Variants in CYP2C19 observed in about 807,000 individuals in gnomAD.
CYP2C19 encodes cytochrome P450 family 2 subfamily C member 19.
A neutral mutation model predicts 40.9 loss-of-function variants in CYP2C19; 59 were observed. The ratio of observed to expected loss-of-function variants is 1.44; its 90% confidence interval spans 1.17 to 1.79. CYP2C19 has a LOEUF of 1.79. Among genes scored for constraint, CYP2C19 ranks in the 40% most tolerant of loss-of-function variants. CYP2C19 has a pLI of 0.00. For synonymous variants in CYP2C19, 253 were observed against 208.7 expected, an observed-to-expected ratio of 1.21 and a Z score of -1.83; for missense variants, 754 against 596.9, an observed-to-expected ratio of 1.26 and a Z score of -2.74.
chr10:94,811,977 T>C (rs946416060), intron 5 of CYP2C19, among the ~76,000 whole-genome samples: 1 of 152,180 alleles, frequency 6.6e-6, no homozygotes, highest in African/African-American at 2.4e-5. Flanking sequence ...TTGATGGTCT[T>C]TACAAAATTT....
chr10:94,836,102 G>C (rs544209389), intron 6 of CYP2C19, among the ~76,000 whole-genome samples: 24 of 152,218 alleles, frequency 1.6e-4, no homozygotes, highest in Non-Finnish European at 2.8e-4. Flanking sequence ...CAAGCACGCA[G>C]TTGCAGCACT....
At chr10:94,805,588 T>C (rs1848823631) in intron 5 of CYP2C19, among the ~76,000 whole-genome samples, 1 of 152,140 alleles carries the variant, frequency 6.6e-6, no homozygotes, top group Non-Finnish European at 1.5e-5. Context: ...TATACCCATT[T>C]AATAGTAACT....
chr10:94,820,703 C>G, intron 6 of CYP2C19, 66 bp downstream of exon 6: 1 of 1,589,748 alleles, frequency 6.3e-7, no homozygotes, highest in Non-Finnish European at 8.6e-7. Context: ...TGCTAGTGTT[C>G]TCCTTTCTGT....
chr10:94,811,504 G>A (rs1031650380), intron 5 of CYP2C19, among the ~76,000 whole-genome samples: 25 of 152,030 alleles, frequency 1.6e-4, no homozygotes, highest in Non-Finnish European at 3.7e-4. Context: ...ATCTATTATT[G>A]TGTGGGAGCC....
At chr10:94,829,041 T>C (rs1387993285) in intron 6 of CYP2C19, among the ~76,000 whole-genome samples, 1 of 152,224 alleles carries the variant, frequency 6.6e-6, no homozygotes, top group Non-Finnish European at 1.5e-5. Flanking sequence ...CTGCTGTTAG[T>C]CAGATGGGCT....
chr10:94,822,874 C>T (rs1320933396), intron 6 of CYP2C19, among the ~76,000 whole-genome samples: 1 of 151,920 alleles, frequency 6.6e-6, no homozygotes, highest in African/African-American at 2.4e-5. Context: ...GCTTGTATGT[C>T]ATCTTTTGAG....
At chr10:94,789,499 T>A (rs1463806948) in intron 5 of CYP2C19, among the ~76,000 whole-genome samples, 1 of 152,212 alleles carries the variant, frequency 6.6e-6, no homozygotes, top group Non-Finnish European at 1.5e-5. Context: ...AAGTCTTTAA[T>A]CCATCTTGAA....
chr10:94,844,641 T>C (rs1015321486), intron 7 of CYP2C19, among the ~76,000 whole-genome samples: 5 of 152,168 alleles, frequency 3.3e-5, no homozygotes, highest in Admixed American at 2.6e-4. Context: ...ATTACTAATG[T>C]CACTTTTTGA....
rs1291403654 is a variant in CYP2C19, at chr10:94,853,274, A to T, written c.*360A>T. ...ATTATTTGCTGAGTCAGGTTATTAG[A>T]CCTTCCTTCCTTTGTGCATAATGCA... On this transcript the variant is annotated 3_prime_UTR_variant, in exon 9 of 9. Transcript: ENST00000371321. The T allele has an allele frequency of 2.7e-6, 1 of 369,644 alleles. No homozygotes were observed. Among genetic ancestry groups the T allele is most frequent in the Non-Finnish European group, 4.9e-6 (1 of 204,324 alleles). The allele number at this position is 369,644 out of a possible 1,614,324, so 22.9% of individuals were successfully genotyped here.
intron 1 of CYP2C19, chr10:94,774,703 A>G (rs949942303): frequency 4.4e-6 from 1 of 225,200 alleles, no homozygotes; most frequent in Non-Finnish European, 8.8e-6. Context: ...GAATAAGTGA[A>G]GTTTCAAATT....
At chr10:94,791,347 T>G (rs1208328611) in intron 5 of CYP2C19, among the ~76,000 whole-genome samples, 2 of 152,064 alleles carry the variant, frequency 1.3e-5, no homozygotes, top group African/African-American at 4.8e-5. Context: ...TTTTGAAGGG[T>G]TTTCTGTGTC....
chr10:94,798,076 G>A (rs1848712768), intron 5 of CYP2C19, among the ~76,000 whole-genome samples: 1 of 151,870 alleles, frequency 6.6e-6, no homozygotes, highest in African/African-American at 2.4e-5. Context: ...TCTTTTAATT[G>A]TGAGTTTTGG....
chr10:94,768,345 C>T (rs1422323241), intron 1 of CYP2C19, among the ~76,000 whole-genome samples: 1 of 152,242 alleles, frequency 6.6e-6, no homozygotes, highest in East Asian at 1.9e-4. Flanking sequence ...AAATGAACTT[C>T]CTTCGGTATA....
intron 6 of CYP2C19, among the ~76,000 whole-genome samples, chr10:94,825,477 G>A (rs1460488934): frequency 4.0e-4 from 54 of 133,960 alleles, no homozygotes; most frequent in South Asian, 1.7e-3. Context: ...GTCTGTTCAT[G>A]TCCTTTGCCC....
intron 5 of CYP2C19, among the ~76,000 whole-genome samples, chr10:94,807,423 G>A (rs1848850149): frequency 6.6e-6 from 1 of 152,102 alleles, no homozygotes; most frequent in African/African-American, 2.4e-5. Flanking sequence ...GAATGGGATT[G>A]CTGGATTATA....
chr10:94,780,632 C>G lies in CYP2C19; in HGVS notation c.615C>G (p.Ile205Met). ...LNLMEKLNEN[I>M]RIVSTPWIQI... ...TGATGGAAAAATTGAATGAAAACATCAGGATTGTAAGCACCCCCTGGATCC... is the reference window on the plus strand; with the variant it reads ...TGATGGAAAAATTGAATGAAAACATGAGGATTGTAAGCACCCCCTGGATCC... Residue 205 changes from isoleucine (I) to methionine (M), a missense_variant, in exon 4 of 9, where the codon ATC (isoleucine) becomes ATG (methionine). Ile to Met is a conservative substitution (Grantham distance 10). Transcript: ENST00000371321. 1 of 1,613,716 alleles carries G rather than the reference C, an allele frequency of 6.2e-7. No homozygotes were observed. The highest frequency in any genetic ancestry group is 8.5e-7 in the Non-Finnish European group (1 of 1,179,848).
intron 7 of CYP2C19, among the ~76,000 whole-genome samples, chr10:94,848,873 C>G (rs1849611338): frequency 6.6e-6 from 1 of 152,124 alleles, no homozygotes; most frequent in African/African-American, 2.4e-5. Context: ...ATTTGGCTCT[C>G]TGTTTGTCTG....
intron 5 of CYP2C19, among the ~76,000 whole-genome samples, chr10:94,796,613 C>T (rs1343546088): frequency 6.6e-6 from 1 of 152,108 alleles, no homozygotes; most frequent in Non-Finnish European, 1.5e-5. Flanking sequence ...GATATTGATT[C>T]TTCCTATCCA....
chr10:94,767,915 G>T (rs139287929), intron 1 of CYP2C19, among the ~76,000 whole-genome samples: 1,719 of 152,168 alleles, frequency 0.011, 20 homozygotes, highest in Non-Finnish European at 0.017. Context: ...CCTTCCATAG[G>T]TATTTCTAAT....
Sources: gnomAD v4.1 joint callset for allele counts (sites outside exome capture counted in the v4.1 genomes callset) on GRCh38, gnomAD v4.1.1 for gene constraint, MANE v1.5 for transcripts, NCBI Gene and HGNC (gene_info 2026-07-23, HGNC 2026-07-21) for gene names.